The following ZHX3 variants were observed in gnomAD, a reference collection of about 807,000 sequenced individuals.
The protein encoded by ZHX3 is zinc fingers and homeoboxes protein 3.
A neutral mutation model predicts 64.5 loss-of-function variants in ZHX3; 20 were observed. The observed-to-expected ratio is 0.31, with a 90% CI of 0.22 to 0.45. ZHX3 has a LOEUF of 0.45. Ranked by LOEUF, ZHX3 falls within the 20% of genes least tolerant of loss-of-function variation. The pLI, the probability that ZHX3 is intolerant of heterozygous loss-of-function variation, is 1.00. For synonymous variants in ZHX3, 423 were observed against 461.6 expected (o/e 0.92, Z 1.07); for missense variants, 1,041 against 1,195.8 (o/e 0.87, Z 1.91).
intron 2 of ZHX3, among the ~76,000 whole-genome samples, chr20:41,265,314 T>C (rs2042786938): frequency 6.6e-6 from 1 of 151,824 alleles, no homozygotes; most frequent in African/African-American, 2.4e-5. Flanking sequence ...GCAATTCTCC[T>C]GCCTCAGCCT....
chr20:41,242,700 T>C (rs991179489), intron 2 of ZHX3, among the ~76,000 whole-genome samples: 3 of 152,274 alleles, frequency 2.0e-5, no homozygotes, highest in East Asian at 3.9e-4. Flanking sequence ...TCTCCAAGGA[T>C]GGAATCAGCT....
In ZHX3 at chr20:41,185,349, C is replaced by A. The variant is rs1031751139; in HGVS notation, c.2861-148G>T. The A allele has an allele frequency of 4.2e-6, 4 of 945,080 alleles. No individual in the cohort carries two copies. Among genetic ancestry groups the A allele is most frequent in the African/African-American group, 3.3e-5 (2 of 60,160 alleles). The allele number at this position is 945,080 out of a possible 1,614,324, so 58.5% of individuals were successfully genotyped here. A position where few individuals can be genotyped will look rare whatever the true frequency, so the allele number is the denominator to read the frequency against. ...AATGAATGGCCTTCTGCCACCCACTCCCCCACCCTCCAGCCTGAGGGAATG... is the reference window on the plus strand; with the variant it reads ...AATGAATGGCCTTCTGCCACCCACTACCCCACCCTCCAGCCTGAGGGAATG... On this transcript the variant is annotated intron_variant, in intron 3 of 3. Transcript: ENST00000683867. This position sits in a 1 kb window ranked among gnomAD's most constrained non-coding sequence, Gnocchi z 5.0.
chr20:41,227,627 A>G (rs1568856943), intron 2 of ZHX3, among the ~76,000 whole-genome samples: 1 of 152,212 alleles, frequency 6.6e-6, no homozygotes, highest in African/African-American at 2.4e-5. Flanking sequence ...GAAGTTTCTA[A>G]GAGCTTCTCT....
intron 2 of ZHX3, among the ~76,000 whole-genome samples, chr20:41,252,520 G>C (rs73907117): frequency 0.014 from 2,059 of 152,288 alleles, 44 homozygotes; most frequent in African/African-American, 0.047. Flanking sequence ...CAGCCCAGAA[G>C]AGGAAAGTCT....
At position 41,221,252 on chromosome 20, in the gene ZHX3, A is replaced by G. The variant is rs117244719; in HGVS notation, c.-150-16186T>C. On this transcript the variant is annotated intron_variant, in intron 2 of 3. Coordinates refer to ENST00000683867, the MANE Select transcript of ZHX3 (RefSeq NM_001384317.1). The stretch of plus-strand genomic sequence containing the variant: ...CACCTTCCTTAAACTTACTCATGTC[A>G]TATTTAATCTTTCACAAAAGTTTTT... Among the ~76,000 whole-genome samples, 1,338 of 152,282 alleles carry G rather than the reference A, an allele frequency of 8.8e-3. 19 individuals are homozygous for G. Among genetic ancestry groups the G allele is most frequent in the Admixed American group, 0.018 (277 of 15,294 alleles).
At chr20:41,249,514 GA>G in intron 2 of ZHX3, among the ~76,000 whole-genome samples, 1 of 152,288 alleles carries the variant, frequency 6.6e-6, no homozygotes, top group South Asian at 2.1e-4. Flanking sequence ...GAAGGCAGAT[GA>G]GTAATAGCCT....
intron 2 of ZHX3, among the ~76,000 whole-genome samples, chr20:41,233,878 T>TGG (rs1378813472): frequency 2.0e-5 from 3 of 152,220 alleles, no homozygotes; most frequent in Non-Finnish European, 4.4e-5. Flanking sequence ...TTTTGAAGAA[T>TGG]GGAGCCATGT....
chr20:41,240,175 T>C (rs2041285005), intron 2 of ZHX3, among the ~76,000 whole-genome samples: 1 of 152,178 alleles, frequency 6.6e-6, no homozygotes, highest in Non-Finnish European at 1.5e-5. Flanking sequence ...TTTTGTATTT[T>C]TTTAGTAGAG....
chr20:41,226,361 C>A lies in ZHX3; in HGVS notation c.-150-21295G>T, dbSNP rs6072311. On this transcript the variant is annotated intron_variant, in intron 2 of 3. Coordinates refer to ENST00000683867, the MANE Select transcript of ZHX3 (RefSeq NM_001384317.1). This position sits in a 1 kb window ranked among gnomAD's most constrained non-coding sequence, Gnocchi z 4.4. ...ACAGGGCAATACTCTATTTCAAAAA[C>A]AAAAGAATTTCCTTTCATTTTAAGG... 0.58 allele frequency among the ~76,000 whole-genome samples: 87,595 copies of A among 151,586 alleles called. 26,595 individuals are homozygous for A. The highest frequency in any genetic ancestry group is 0.82 in the East Asian group (4,230 of 5,162).
chr20:41,294,292 T>C lies in ZHX3; in HGVS notation c.-245+23217A>G, dbSNP rs189133772. On this transcript the variant is annotated intron_variant, in intron 1 of 3. Coordinates refer to ENST00000683867, the MANE Select transcript of ZHX3 (RefSeq NM_001384317.1). Reference sequence around the variant, plus strand: ...ACAATTTAGAATTAACAGCTAAATTTTGTATGTAAATGATGTCATACCTTA... The same window carrying C: ...ACAATTTAGAATTAACAGCTAAATTCTGTATGTAAATGATGTCATACCTTA... Among the ~76,000 whole-genome samples the C allele has an allele frequency of 4.0e-4, 61 of 152,358 alleles. No individual in the cohort carries two copies. The East Asian group carries it at 0.01, about 25-fold the overall frequency.
chr20:41,315,787 T>C lies in ZHX3; in HGVS notation c.-245+1722A>G, dbSNP rs568129268. On this transcript the variant is annotated intron_variant, in intron 1 of 3. Coordinates refer to ENST00000683867, the MANE Select transcript of ZHX3 (RefSeq NM_001384317.1). ...TAGCATTTTTGTAAGAAAAAACACG[T>C]ATACATGGGAACAAGGCTAAAAGGC... is the stretch of plus-strand genomic sequence containing the variant. 1.0e-3 allele frequency among the ~76,000 whole-genome samples: 152 copies of C among 152,236 alleles called. 1 individual carries two copies. The highest frequency in any genetic ancestry group is 6.3e-4 in the Non-Finnish European group (43 of 68,012).
intron 1 of ZHX3, among the ~76,000 whole-genome samples, chr20:41,281,161 G>A (rs1401100374): frequency 1.3e-5 from 2 of 152,156 alleles, no homozygotes; most frequent in Non-Finnish European, 2.9e-5. Flanking sequence ...AATTTCGGAT[G>A]CTAAAACACA....
chr20:41,300,751 G>A (rs1246010061), intron 1 of ZHX3, among the ~76,000 whole-genome samples: 1 of 152,162 alleles, frequency 6.6e-6, no homozygotes, highest in Non-Finnish European at 1.5e-5. Context: ...GAGGGGCACA[G>A]GGGAAGCCAG....
At chr20:41,235,117 C>T (rs2040880001) in intron 2 of ZHX3, among the ~76,000 whole-genome samples, 1 of 152,056 alleles carries the variant, frequency 6.6e-6, no homozygotes, top group Admixed American at 6.6e-5. Flanking sequence ...TTGCAGCAAA[C>T]TCGGTGTGTG....
chr20:41,214,489 A>T (rs922884229), intron 2 of ZHX3, among the ~76,000 whole-genome samples: 3 of 152,188 alleles, frequency 2.0e-5, no homozygotes, highest in Non-Finnish European at 4.4e-5. Context: ...AAACCTCCAG[A>T]TTGTTGCAAT....
At chr20:41,258,711 G>A (rs2042398175) in intron 2 of ZHX3, among the ~76,000 whole-genome samples, 1 of 152,112 alleles carries the variant, frequency 6.6e-6, no homozygotes, top group South Asian at 2.1e-4. Context: ...TATTGCTGGT[G>A]GTGTTGGTCT....
chr20:41,249,635 C>T (rs1261941290), intron 2 of ZHX3, among the ~76,000 whole-genome samples: 2 of 152,192 alleles, frequency 1.3e-5, no homozygotes, highest in African/African-American at 2.4e-5. Flanking sequence ...AATACAAAGT[C>T]TAATCTACTC....
intron 2 of ZHX3, among the ~76,000 whole-genome samples, chr20:41,238,238 AGATGCAG>A (rs1306123986): frequency 6.6e-6 from 1 of 152,252 alleles, no homozygotes; most frequent in Non-Finnish European, 1.5e-5. Flanking sequence ...TCGAACTCAT[AGATGCAG>A]GATCTGAAAA....
chr20:41,262,044 G>C (rs1394177148), intron 2 of ZHX3, among the ~76,000 whole-genome samples: 2 of 152,142 alleles, frequency 1.3e-5, no homozygotes, highest in East Asian at 3.8e-4. Flanking sequence ...TCTGAGGCAT[G>C]CCCTAATTCC....
Sources: allele counts gnomAD v4.1 joint callset (sites outside exome capture counted in the v4.1 genomes callset), GRCh38; gene constraint gnomAD v4.1.1; non-coding constraint Gnocchi (gnomAD v3.1); transcripts MANE v1.5; gene names NCBI Gene and HGNC (gene_info 2026-07-23, HGNC 2026-07-21).